NAV3: variants seen among roughly 807,000 people sequenced by gnomAD.
NAV3 encodes the protein neuron navigator 3.
NAV3 carries 87 observed loss-of-function variants against 244.7 expected under a neutral mutation model. That is an observed-to-expected ratio of 0.36 (90% confidence interval 0.30 to 0.42). The LOEUF is 0.42. Among genes scored for constraint, NAV3 ranks in the 20% least tolerant of loss-of-function variants. The pLI is 1.00. For synonymous variants in NAV3, 1,126 were observed against 1,042.2 expected, an observed-to-expected ratio of 1.08 and a Z score of -1.55; for missense variants, 2,663 against 2,893.3, an observed-to-expected ratio of 0.92 and a Z score of 1.83.
chr12:78,200,436 TA>T, intron 37 of NAV3, 36 bp from the exon 38 acceptor site: 1 of 1,284,792 alleles, frequency 7.8e-7, no homozygotes, highest in Non-Finnish European at 1.1e-6. Context: ...TTATTAAATA[TA>T]ACTCTTAAAA....
intron 2 of NAV3, among the ~76,000 whole-genome samples, chr12:77,718,947 A>G (rs2137284667): frequency 6.6e-6 from 1 of 152,186 alleles, no homozygotes; most frequent in South Asian, 2.1e-4. Flanking sequence ...GAGCCACTGC[A>G]CCTGGTCAGG....
chr12:77,878,259 C>T (rs1420037052), intron 1 of NAV3, among the ~76,000 whole-genome samples: 1 of 152,080 alleles, frequency 6.6e-6, no homozygotes, highest in Non-Finnish European at 1.5e-5. Flanking sequence ...TGGTGTCTTG[C>T]TCTGTTGCCC....
chr12:77,653,975 C>T (rs1198657696), intron 2 of NAV3, among the ~76,000 whole-genome samples: 9 of 152,072 alleles, frequency 5.9e-5, no homozygotes, highest in Non-Finnish European at 1.3e-4. Flanking sequence ...GGGGGAGGAG[C>T]CAAGATGGCC....
chr12:78,093,319 A>G (rs897671746), intron 12 of NAV3, among the ~76,000 whole-genome samples: 1 of 152,204 alleles, frequency 6.6e-6, no homozygotes, highest in African/African-American at 2.4e-5. Flanking sequence ...TACATTTCAT[A>G]TGTTCACTAA....
chr12:77,976,666 C>A (rs1242280), intron 5 of NAV3, among the ~76,000 whole-genome samples: 1 of 58,062 alleles, frequency 1.7e-5, no homozygotes, highest in Admixed American at 2.5e-4. Context: ...TTCTTTCTTT[C>A]TTTTTTTCTT....
In NAV3 at chr12:77,575,028, AAT is replaced by A. The variant is rs529365263; in HGVS notation, c.72+2774_72+2775del. The stretch of plus-strand genomic sequence containing the variant: ...TGTAAATATAATTATCTATTCCTTA[AAT>A]ATATATATATAATATTTACATATTT... On this transcript the variant is annotated intron_variant, in intron 2 of 8. Coordinates refer to the NAV3 transcript ENST00000550042. 1.8e-3 allele frequency among the ~76,000 whole-genome samples: 267 copies of A among 148,304 alleles called. 2 individuals carry two copies. The highest frequency in any genetic ancestry group is 6.1e-3 in the African/African-American group (249 of 40,854).
intron 2 of NAV3, among the ~76,000 whole-genome samples, chr12:77,613,645 G>A (rs564025025): frequency 2.6e-5 from 4 of 151,264 alleles, no homozygotes; most frequent in East Asian, 1.9e-4. Context: ...AGTTAGAAAA[G>A]CATATTGTTC....
At position 78,177,691 on chromosome 12, in the gene NAV3, G is replaced by T; in HGVS notation, c.5363+6G>T. The T allele has an allele frequency of 6.3e-7, 1 of 1,596,864 alleles. No individual in the cohort carries two copies. Among genetic ancestry groups the T allele is most frequent in the Non-Finnish European group, 8.5e-7 (1 of 1,178,996 alleles). On this transcript the variant is annotated splice_donor_region_variant and intron_variant, in intron 28 of 39. Transcript: ENST00000397909. The stretch of plus-strand genomic sequence containing the variant: ...ATCTACAAGCATAGATCTCGGTAAA[G>T]TGGAGTGCGATGCATGAATACTGCA...
intron 12 of NAV3, among the ~76,000 whole-genome samples, chr12:78,113,314 C>A (rs1955197861): frequency 6.6e-6 from 1 of 152,244 alleles, no homozygotes; most frequent in Non-Finnish European, 1.5e-5. Context: ...AGTGGGGACT[C>A]TGTGTGGGGG....
intron 2 of NAV3, among the ~76,000 whole-genome samples, chr12:77,686,428 T>C (rs60007194): frequency 0.29 from 12,284 of 42,750 alleles, 612 homozygotes; most frequent in South Asian, 0.41. Context: ...TTCTTTCTTT[T>C]TTTTTTTTTT....
chr12:78,187,631 A>G (rs1318091913), intron 31 of NAV3, among the ~76,000 whole-genome samples: 1 of 151,934 alleles, frequency 6.6e-6, no homozygotes, highest in Non-Finnish European at 1.5e-5. Flanking sequence ...CGAATCCTGT[A>G]GGTTTCTCTG....
At chr12:77,615,966 A>G (rs921942020) in intron 2 of NAV3, among the ~76,000 whole-genome samples, 3 of 152,192 alleles carry the variant, frequency 2.0e-5, no homozygotes, top group Admixed American at 6.5e-5. Context: ...TGTATAAAGC[A>G]TCAGTGATTT....
chr12:78,026,984 G>A (rs1878168910), intron 9 of NAV3, among the ~76,000 whole-genome samples: 1 of 152,128 alleles, frequency 6.6e-6, no homozygotes, highest in Admixed American at 6.5e-5. Context: ...CTCAACTGAA[G>A]GGGTTGATAT....
Position 77,875,796 on chromosome 12 carries a change from C to A in NAV3, c.243+44092C>A, listed in dbSNP as rs1393224887. Among the ~76,000 whole-genome samples the A allele has an allele frequency of 8.6e-5, 13 of 152,022 alleles. No homozygotes were observed. In the East Asian group the frequency reaches 2.5e-3, roughly 29 times the overall value. On this transcript the variant is annotated intron_variant, in intron 1 of 39. Transcript: ENST00000397909. ...GTGCTTTTATGTCTCCACTCGTGTT[C>A]TTGTTTAAATATGTAATTAATAAGT...
chr12:77,695,413 T>A (rs1875250331), intron 2 of NAV3, among the ~76,000 whole-genome samples: 1 of 152,174 alleles, frequency 6.6e-6, no homozygotes, highest in South Asian at 2.1e-4. Flanking sequence ...GACTGTCTTT[T>A]CCCCAGTGTA....
At chr12:78,169,953 C>G (rs986769461) in intron 24 of NAV3, among the ~76,000 whole-genome samples, 2 of 151,614 alleles carry the variant, frequency 1.3e-5, no homozygotes, top group Non-Finnish European at 3.0e-5. Context: ...TGTAAATTCA[C>G]TCTTTTGTAT....
chr12:78,021,913 C>A (rs756019056), intron 9 of NAV3, 51 bp downstream of exon 9: 3 of 1,143,236 alleles, frequency 2.6e-6, no homozygotes, highest in Non-Finnish European at 3.8e-6. Flanking sequence ...TCCGTATTCT[C>A]TCCATAAGAC....
chr12:78,187,061 G>C (rs1419155113), intron 31 of NAV3, among the ~76,000 whole-genome samples: 1 of 151,840 alleles, frequency 6.6e-6, no homozygotes, highest in Admixed American at 6.6e-5. Context: ...TTGGAAGTTA[G>C]GGCTTCGATG....
At chr12:77,804,551 C>G (rs374220500) in intron 2 of NAV3, among the ~76,000 whole-genome samples, 7 of 152,128 alleles carry the variant, frequency 4.6e-5, no homozygotes, top group East Asian at 1.9e-4. Flanking sequence ...GGTACCAGTA[C>G]CATGCAGTTT....
Sources: allele counts gnomAD v4.1 joint callset (sites outside exome capture counted in the v4.1 genomes callset), GRCh38; gene constraint gnomAD v4.1.1; transcripts MANE v1.5; gene names NCBI Gene and HGNC (gene_info 2026-07-23, HGNC 2026-07-21).